The following CLSTN2 variants were observed in gnomAD, a reference collection of about 807,000 sequenced individuals.
CLSTN2 encodes calsyntenin-2.
In CLSTN2, 48 loss-of-function variants were observed where a neutral mutation model predicts 101.2. That is an observed-to-expected ratio of 0.47 (90% CI 0.38 to 0.60). The LOEUF is 0.60. Ranked by LOEUF, CLSTN2 falls within the 20% of genes least tolerant of loss-of-function variation. The pLI is 0.00. For synonymous variants in CLSTN2, 481 were observed against 463.6 expected (o/e 1.04, Z -0.48); for missense variants, 1,160 against 1,238.2 (o/e 0.94, Z 0.95).
At chr3:139,968,981 G>A (rs116675365) in intron 1 of CLSTN2, among the ~76,000 whole-genome samples, 201 of 152,242 alleles carry the variant, frequency 1.3e-3, no homozygotes, top group African/African-American at 4.6e-3. Flanking sequence ...AAGTTTAAGA[G>A]CTTGGAAAAG....
At chr3:140,295,181 T>C (rs1442982672) in intron 2 of CLSTN2, among the ~76,000 whole-genome samples, 1 of 152,228 alleles carries the variant, frequency 6.6e-6, no homozygotes, top group Non-Finnish European at 1.5e-5. Flanking sequence ...ATTCATTTTA[T>C]TATAAGTGAG....
intron 8 of CLSTN2, among the ~76,000 whole-genome samples, chr3:140,498,824 A>G (rs945544269): frequency 1.3e-5 from 2 of 152,192 alleles, no homozygotes; most frequent in Non-Finnish European, 2.9e-5. Flanking sequence ...GGCCAAGTGT[A>G]AAGATTTTGT....
At chr3:140,054,058 C>T (rs569887876) in intron 1 of CLSTN2, among the ~76,000 whole-genome samples, 4 of 152,132 alleles carry the variant, frequency 2.6e-5, no homozygotes, top group African/African-American at 7.2e-5. Context: ...ATGTTTAACT[C>T]TCACAGGGCA....
At chr3:140,278,870 C>T (rs565285322) in intron 2 of CLSTN2, among the ~76,000 whole-genome samples, 2 of 152,236 alleles carry the variant, frequency 1.3e-5, no homozygotes, top group South Asian at 4.1e-4. Context: ...CAAGTGCCTG[C>T]CACTATGCCT....
Position 140,115,235 on chromosome 3 carries a change from T to G in CLSTN2, c.110-60716T>G, listed in dbSNP as rs560692870. 1.9e-3 allele frequency among the ~76,000 whole-genome samples: 288 copies of G among 152,352 alleles called. 2 individuals carry two copies. The highest frequency in any genetic ancestry group is 6.6e-3 in the African/African-American group (276 of 41,580). ...TCAGCCCCTAAGCCTATCTATTCTC[T>G]TCTCATGATGCTGTCTTTGCCTTCC... On this transcript the variant is annotated intron_variant, in intron 1 of 16. Coordinates refer to ENST00000458420, the MANE Select transcript of CLSTN2 (RefSeq NM_022131.3).
In CLSTN2 at chr3:140,562,894, C is replaced by A; in HGVS notation, c.2296C>A (p.Arg766Ser). The A allele has an allele frequency of 1.2e-6, 2 of 1,614,118 alleles. No homozygotes were observed. Among genetic ancestry groups the A allele is most frequent in the Non-Finnish European group, 8.5e-7 (1 of 1,180,004 alleles). The stretch of plus-strand genomic sequence containing the variant: ...GCGTCCGGCTTCCCTTGAGGCCCGG[C>A]GTTTCCGGATTAAGTGCTCAGAACT... The part of the protein sequence containing the change: ...NWRPASLEAR[R>S]FRIKCSELNG... The change falls in exon 14 of 17, where the codon CGT (arginine) becomes AGT (serine). Residue 766 changes from arginine to serine, a missense_variant. Transcript: ENST00000458420.
chr3:140,162,171 A>G (rs1163300309), intron 1 of CLSTN2, among the ~76,000 whole-genome samples: 1 of 152,200 alleles, frequency 6.6e-6, no homozygotes, highest in African/African-American at 2.4e-5. Flanking sequence ...ATACTATCTT[A>G]GCACTTCTGT....
intron 1 of CLSTN2, among the ~76,000 whole-genome samples, chr3:139,998,376 T>C (rs2006735075): frequency 1.1e-5 from 1 of 87,724 alleles, no homozygotes; most frequent in South Asian, 4.5e-4. Context: ...TCTCTCTTTG[T>C]CGCCCAGGCT....
At chr3:140,245,697 T>C (rs2086509986) in intron 2 of CLSTN2, among the ~76,000 whole-genome samples, 1 of 152,188 alleles carries the variant, frequency 6.6e-6, no homozygotes, top group South Asian at 2.1e-4. Context: ...ATGTTGGAGT[T>C]GAGAATGTCC....
At chr3:140,432,144 T>A (rs940257862) in intron 5 of CLSTN2, among the ~76,000 whole-genome samples, 9 of 152,192 alleles carry the variant, frequency 5.9e-5, no homozygotes, top group African/African-American at 2.2e-4. Context: ...AAGTGTACAG[T>A]CCTGGGGGTC....
Position 140,020,057 on chromosome 3 carries a change from G to A in CLSTN2, c.109+84574G>A, listed in dbSNP as rs534550359. ...ACTAGTGTGATGGTGGTGAGGGCTG[G>A]TTGAAACCCTGGGGAGTATGTGGAG... On this transcript the variant is annotated intron_variant, in intron 1 of 16. Coordinates refer to ENST00000458420, the MANE Select transcript of CLSTN2 (RefSeq NM_022131.3). 2.6e-5 allele frequency among the ~76,000 whole-genome samples: 4 copies of A among 152,300 alleles called. No individual in the cohort carries two copies. The East Asian group carries it at 7.7e-4, about 29-fold the overall frequency.
intron 2 of CLSTN2, among the ~76,000 whole-genome samples, chr3:140,381,651 T>A (rs1005004947): frequency 6.6e-6 from 1 of 152,234 alleles, no homozygotes; most frequent in Non-Finnish European, 1.5e-5. Flanking sequence ...TTTAACCAAC[T>A]AGGGCTGACA....
rs1204924093 is a variant in CLSTN2, at chr3:140,566,914, G to A, written c.*661G>A. ...TAAGAAAAGTCCCAAACCAAGAATA[G>A]GTCCTTGGCCACAAGCAGGGTCTGA... is the stretch of plus-strand genomic sequence containing the variant. On this transcript the variant is annotated 3_prime_UTR_variant, in exon 17 of 17. Coordinates refer to ENST00000458420, the MANE Select transcript of CLSTN2 (RefSeq NM_022131.3). 1 of 152,460 alleles carries A rather than the reference G, an allele frequency of 6.6e-6. No individual in the cohort carries two copies. Among genetic ancestry groups the A allele is most frequent in the Non-Finnish European group, 1.5e-5 (1 of 68,382 alleles). The allele number at this position is 152,460 out of a possible 1,614,324, so 9.4% of individuals were successfully genotyped here.
intron 1 of CLSTN2, among the ~76,000 whole-genome samples, chr3:140,067,691 T>A (rs1386529945): frequency 6.6e-6 from 1 of 152,204 alleles, no homozygotes; most frequent in Non-Finnish European, 1.5e-5. Context: ...CCCTTTCTGA[T>A]CACAAGGGCT....
chr3:140,059,613 TGGC>T (rs2008161285), intron 1 of CLSTN2, among the ~76,000 whole-genome samples: 1 of 152,034 alleles, frequency 6.6e-6, no homozygotes, highest in Non-Finnish European at 1.5e-5. Context: ...CCTCTGAGGA[TGGC>T]AGGGTGGATA....
At chr3:140,557,280 G>C (rs1261117591) in intron 11 of CLSTN2, among the ~76,000 whole-genome samples, 2 of 152,108 alleles carry the variant, frequency 1.3e-5, no homozygotes, top group African/African-American at 4.8e-5. Flanking sequence ...GCTGCACCTA[G>C]AGTCGGGAGA....
At chr3:140,477,634 A>C (rs188618602) in intron 8 of CLSTN2, among the ~76,000 whole-genome samples, 4 of 152,320 alleles carry the variant, frequency 2.6e-5, no homozygotes, top group Admixed American at 2.0e-4. Flanking sequence ...GAGGCTCTGA[A>C]AAATTAAGTC....
chr3:140,065,279 C>A (rs1023585334), intron 1 of CLSTN2, among the ~76,000 whole-genome samples: 48 of 152,188 alleles, frequency 3.2e-4, no homozygotes, highest in Admixed American at 6.5e-5. Context: ...GGAGACCAAT[C>A]CACAGCGTCC....
intron 2 of CLSTN2, among the ~76,000 whole-genome samples, chr3:140,346,154 G>A (rs539952878): frequency 6.6e-6 from 1 of 152,318 alleles, no homozygotes; most frequent in South Asian, 2.1e-4. Context: ...GCTTGCAAAT[G>A]TTCAGATGAT....
Sources: allele counts gnomAD v4.1 joint callset (sites outside exome capture counted in the v4.1 genomes callset), GRCh38; gene constraint gnomAD v4.1.1; transcripts MANE v1.5; gene names NCBI Gene and HGNC (gene_info 2026-07-23, HGNC 2026-07-21).